The following MIA2 variants were observed in gnomAD, a reference collection of about 807,000 sequenced individuals.
The protein encoded by MIA2 is MIA SH3 domain ER export factor 2.
Under a neutral mutation model 167.8 loss-of-function variants are expected in MIA2, and 127 were observed. The observed-to-expected ratio is 0.76, with a 90% CI of 0.66 to 0.88. The LOEUF (loss-of-function observed/expected upper bound fraction) is 0.88, where lower values mean the gene tolerates loss of function less well. Ranked by LOEUF, MIA2 falls within the 40% of genes least tolerant of loss-of-function variation. The probability of loss-of-function intolerance (pLI) is 0.00; values close to 1 mark genes in which losing one functional copy is unlikely to be tolerated. For missense variants in MIA2, 1,690 were observed against 1,624.7 expected, an observed-to-expected ratio of 1.04 and a Z score of -0.69; for synonymous variants, 552 against 541.9, an observed-to-expected ratio of 1.02 and a Z score of -0.26.
chr14:39,261,552 G>A (rs1480072196), intron 6 of MIA2, among the ~76,000 whole-genome samples: 16 of 152,110 alleles, frequency 1.1e-4, no homozygotes, highest in Admixed American at 1.0e-3. Flanking sequence ...CTAGATCCTT[G>A]AGGAATCGCC....
chr14:39,369,117 G>A (rs2074883138), intron 23 of MIA2, among the ~76,000 whole-genome samples: 1 of 152,134 alleles, frequency 6.6e-6, no homozygotes, highest in Admixed American at 6.5e-5. Context: ...CCTGTTACAT[G>A]GCTTTCTCAA....
At position 39,330,561 on chromosome 14, in the gene MIA2, G is replaced by C. The variant is rs374350073; in HGVS notation, c.3655+3539G>C. ...CTTTTAATTGTGATGTTTGGGTGTT[G>C]ATTTTAGATTTTTCCCGCTTGATCT... On this transcript the variant is annotated intron_variant, in intron 25 of 28. Coordinates refer to ENST00000640607, the MANE Select transcript of MIA2 (RefSeq NM_001329214.4). Among the ~76,000 whole-genome samples, 459 of 152,184 alleles carry C rather than the reference G, an allele frequency of 3.0e-3. 2 individuals carry two copies. The highest frequency in any genetic ancestry group is 5.7e-3 in the African/African-American group (236 of 41,516).
rs140308830 is a variant in MIA2, at chr14:39,317,008, C to G, written c.3217-936C>G. ...CTCACCGCTGCGTATTTAGTGAAGTCTTCTAAGGTAGATAAAGGTTATCTC... is the reference window on the plus strand; with the variant it reads ...CTCACCGCTGCGTATTTAGTGAAGTGTTCTAAGGTAGATAAAGGTTATCTC... On this transcript the variant is annotated intron_variant, in intron 21 of 28. Coordinates refer to ENST00000640607, the MANE Select transcript of MIA2 (RefSeq NM_001329214.4). Among the ~76,000 whole-genome samples, 19 of 152,276 alleles carry G rather than the reference C, an allele frequency of 1.2e-4. 1 individual carries two copies. The East Asian group carries it at 3.7e-3, about 29-fold the overall frequency.
intron 23 of MIA2, among the ~76,000 whole-genome samples, chr14:39,362,878 T>C (rs1466000468): frequency 6.6e-6 from 1 of 152,216 alleles, no homozygotes; most frequent in Non-Finnish European, 1.5e-5. Context: ...GTTGTGTTTG[T>C]GTTTTCACTT....
At chr14:39,377,757 C>G (rs572871595) in intron 23 of MIA2, among the ~76,000 whole-genome samples, 89 of 125,918 alleles carry the variant, frequency 7.1e-4, no homozygotes, top group African/African-American at 3.5e-3. Flanking sequence ...TACAGGCTCT[C>G]TCCCTTTTTT....
chr14:39,383,644 GT>G (rs1366372777), intron 23 of MIA2, among the ~76,000 whole-genome samples: 5 of 152,232 alleles, frequency 3.3e-5, no homozygotes, highest in African/African-American at 1.2e-4. Context: ...CAGCCAAGTT[GT>G]GAATGCAAAG....
At chr14:39,330,941 T>A (rs1477425067) in intron 25 of MIA2, among the ~76,000 whole-genome samples, 1 of 152,160 alleles carries the variant, frequency 6.6e-6, no homozygotes, top group Non-Finnish European at 1.5e-5. Flanking sequence ...ATTTTGTTGA[T>A]TTGGGGTGGA....
At position 39,313,431 on chromosome 14, in the gene MIA2, G is replaced by C; in HGVS notation, c.3109G>C (p.Glu1037Gln). 1.3e-6 allele frequency: 2 copies of C among 1,589,962 alleles called. No individual in the cohort carries two copies. The highest frequency in any genetic ancestry group is 1.7e-6 in the Non-Finnish European group (2 of 1,165,808). The part of the protein sequence containing the change: ...EKISHATEEL[E>Q]TYRKRAKDLE... The stretch of plus-strand genomic sequence containing the variant: ...GATCAGCCATGCCACTGAAGAGCTG[G>C]AGACCTATAGGTATTAAATACATTT... The change falls in exon 19 of 29, where the codon GAG becomes CAG. Residue 1037 changes from glutamate to glutamine, a missense_variant. By Grantham distance (29) the Glu-to-Gln change is conservative. Transcript: ENST00000640607.
chr14:39,386,871 T>C, intron 23 of MIA2: 2 of 848,524 alleles, frequency 2.4e-6, no homozygotes, highest in Non-Finnish European at 4.1e-6. Context: ...GAGGCGGTCG[T>C]TCTCTCTCAC....
chr14:39,241,232 CT>C (rs2054023046), intron 3 of MIA2, among the ~76,000 whole-genome samples: 1 of 152,114 alleles, frequency 6.6e-6, no homozygotes, highest in Admixed American at 6.6e-5. Context: ...CAGGAGGTGG[CT>C]TTTCAATTAA....
intron 6 of MIA2, among the ~76,000 whole-genome samples, chr14:39,270,360 C>G (rs2056919417): frequency 6.6e-6 from 1 of 151,954 alleles, no homozygotes; most frequent in African/African-American, 2.4e-5. Flanking sequence ...AACCACCACA[C>G]CTGGCTGATT....
rs763645570 is a variant in MIA2 at position 39,291,092 on chromosome 14, T to C, written c.2204T>C (p.Leu735Ser). 1.4e-5 allele frequency: 22 copies of C among 1,599,926 alleles called. No homozygotes were observed. Among genetic ancestry groups the C allele is most frequent in the Non-Finnish European group, 1.8e-5 (21 of 1,175,660 alleles). ...AAGGAGGCAACAGAAGCACAAAGTT[T>C]GGAGGTAGAAAATCAAATGGTATAA... ...FEKEATEAQS[L>S]EATCEKLNRS... The change falls in exon 10 of 29, where the codon TTG becomes TCG. Residue 735 changes from leucine (L) to serine (S), a missense_variant. By Grantham distance (145) the Leu-to-Ser change is moderately radical. Coordinates refer to ENST00000640607, the MANE Select transcript of MIA2 (RefSeq NM_001329214.4).
At chr14:39,238,138 C>A (rs1272943714) in intron 2 of MIA2, among the ~76,000 whole-genome samples, 3 of 151,984 alleles carry the variant, frequency 2.0e-5, no homozygotes, top group Admixed American at 1.3e-4. Flanking sequence ...TTGAAGAGAT[C>A]CCCAGAAAGG....
At chr14:39,281,679 T>C (rs2058972326) in intron 9 of MIA2, among the ~76,000 whole-genome samples, 1 of 150,852 alleles carries the variant, frequency 6.6e-6, no homozygotes, top group African/African-American at 2.4e-5. Context: ...TGGAGTGCAG[T>C]AGCGCGACCT....
chr14:39,327,815 C>T (rs1203681043), intron 25 of MIA2, among the ~76,000 whole-genome samples: 3 of 152,164 alleles, frequency 2.0e-5, no homozygotes, highest in African/African-American at 2.4e-5. Flanking sequence ...TTTTTTATGG[C>T]TGCCTAGTAT....
intron 25 of MIA2, among the ~76,000 whole-genome samples, chr14:39,332,833 C>T (rs1021936968): frequency 2.0e-5 from 3 of 152,158 alleles, no homozygotes; most frequent in African/African-American, 7.2e-5. Flanking sequence ...TTTGGCCTCA[C>T]TGGGAGCTGA....
At chr14:39,338,861 C>G (rs989130902) in intron 25 of MIA2, among the ~76,000 whole-genome samples, 1 of 152,186 alleles carries the variant, frequency 6.6e-6, no homozygotes, top group Non-Finnish European at 1.5e-5. Context: ...CTCATAAAAA[C>G]TTTCAAGTTG....
chr14:39,347,336 C>T lies in MIA2; in HGVS notation c.3779-377C>T, dbSNP rs570921081. On this transcript the variant is annotated intron_variant, in intron 26 of 28. Transcript: ENST00000640607. Reference sequence around the variant, plus strand: ...AAATTTCAGTAGCTAGTCTCTCTTACTTAATGGAGGAATAAGGACGGAAGG... The same window carrying T: ...AAATTTCAGTAGCTAGTCTCTCTTATTTAATGGAGGAATAAGGACGGAAGG... Among the ~76,000 whole-genome samples, 63 of 151,928 alleles carry T rather than the reference C, an allele frequency of 4.1e-4. 1 individual carries two copies. The East Asian group carries it at 0.011, about 26-fold the overall frequency.
chr14:39,261,423 T>C (rs1449830529), intron 6 of MIA2, among the ~76,000 whole-genome samples: 1 of 152,204 alleles, frequency 6.6e-6, no homozygotes, highest in African/African-American at 2.4e-5. Context: ...AAGTCTTTGC[T>C]AATGTGAATA....
Sources: gnomAD v4.1 joint callset for allele counts (sites outside exome capture counted in the v4.1 genomes callset) on GRCh38, gnomAD v4.1.1 for gene constraint, MANE v1.5 for transcripts, NCBI Gene and HGNC (gene_info 2026-07-23, HGNC 2026-07-21) for gene names.